Variants in ME1 observed in about 807,000 individuals in gnomAD.
ME1 encodes the protein NADP-dependent malic enzyme.
ME1 carries 74 observed loss-of-function variants against 66.4 expected under a neutral mutation model. The observed-to-expected ratio is 1.11, with a 90% CI of 0.92 to 1.35. The LOEUF (loss-of-function observed/expected upper bound fraction) is 1.35. Ranked by LOEUF, ME1 falls within the 40% of genes most tolerant of loss-of-function variation. The pLI, the probability that ME1 is intolerant of heterozygous loss-of-function variation, is 0.00. For synonymous variants in ME1, 251 were observed against 235.6 expected (o/e 1.07, Z -0.60); for missense variants, 750 against 694.1 (o/e 1.08, Z -0.90).
intron 7 of ME1, among the ~76,000 whole-genome samples, chr6:83,246,221 TA>T (rs1239873491): frequency 6.6e-6 from 1 of 152,170 alleles, no homozygotes; most frequent in Non-Finnish European, 1.5e-5. Context: ...GATTATATAT[TA>T]GGTATTTTTG....
rs3837004 is a variant in ME1, at chr6:83,277,901, A to AAATAATAAT, written c.705-24172_705-24164dup. Among the ~76,000 whole-genome samples the AAATAATAAT allele has an allele frequency of 4.6e-3, 668 of 144,098 alleles. 5 individuals carry two copies. Among genetic ancestry groups the AAATAATAAT allele is most frequent in the African/African-American group, 0.015 (560 of 38,430 alleles). The allele number at this position is 144,098 out of a possible 152,430, so 94.5% of individuals were successfully genotyped here. On this transcript the variant is annotated intron_variant, in intron 6 of 13. Coordinates refer to ENST00000369705, the MANE Select transcript of ME1 (RefSeq NM_002395.6). ...TGGGCGATAGTGAGACTGTATCTCA[A>AAATAATAAT]AATAATAATAATAATAATAATAATA... is the stretch of plus-strand genomic sequence containing the variant.
At position 83,273,972 on chromosome 6, in the gene ME1, C is replaced by T. The variant is rs2128531648; in HGVS notation, c.705-20234G>A. Among the ~76,000 whole-genome samples the T allele has an allele frequency of 2.0e-5, 3 of 152,260 alleles. No individual in the cohort carries two copies. In the Middle Eastern group the frequency reaches 0.01, roughly 518 times the overall value. ...TTAAATGCTTATCTTGCTTGATTCA[C>T]TATGTTTGGCCCTATTAATCCCTTC... is the stretch of plus-strand genomic sequence containing the variant. On this transcript the variant is annotated intron_variant, in intron 6 of 13. Coordinates refer to ENST00000369705, the MANE Select transcript of ME1 (RefSeq NM_002395.6).
chr6:83,317,050 G>A (rs930575578), intron 5 of ME1, among the ~76,000 whole-genome samples: 3 of 152,106 alleles, frequency 2.0e-5, no homozygotes, highest in Admixed American at 2.0e-4. Flanking sequence ...GAGATTTCCA[G>A]GCAGAATGCT....
chr6:83,407,904 A>G lies in ME1; in HGVS notation c.79-3T>C. 6.3e-7 allele frequency: 1 copy of G among 1,596,234 alleles called. No individual in the cohort carries two copies. Reference sequence around the variant, plus strand: ...TCTTCCAGGGTAAAGGCCAAGTCCTATAGAGAAAAAACACACACACACACA... The same window carrying G: ...TCTTCCAGGGTAAAGGCCAAGTCCTGTAGAGAAAAAACACACACACACACA... On this transcript the variant is annotated splice_polypyrimidine_tract_variant and splice_region_variant and intron_variant, in intron 1 of 13. Transcript: ENST00000369705.
At chr6:83,300,862 C>A (rs377625525) in intron 6 of ME1, among the ~76,000 whole-genome samples, 1 of 152,104 alleles carries the variant, frequency 6.6e-6, no homozygotes, top group Non-Finnish European at 1.5e-5. Flanking sequence ...GAATACTATG[C>A]AGTGATAAAA....
rs1380835289 is a variant in ME1, at chr6:83,227,467, T to A, written c.1143A>T (p.Ala381=). The A allele has an allele frequency of 6.3e-7, 1 of 1,599,194 alleles. No individual in the cohort carries two copies. The highest frequency in any genetic ancestry group is 1.3e-5 in the African/African-American group (1 of 74,576). Residue 381 remains alanine, a synonymous_variant, in exon 11 of 14, where the codon GCA becomes GCT. Coordinates refer to ENST00000369705, the MANE Select transcript of ME1 (RefSeq NM_002395.6). ...IKPTALIGVA[A]IGGAFSEQIL... ...TTTGTTCTGAGAATGCACCACCAAT[T>A]GCAGCAACTCCTAATGAAGAAATAT...
In ME1 at chr6:83,325,784, T is replaced by C. The variant is rs1195671910; in HGVS notation, c.601-10371A>G. On this transcript the variant is annotated intron_variant, in intron 5 of 13. Coordinates refer to ENST00000369705, the MANE Select transcript of ME1 (RefSeq NM_002395.6). ...AGAGTCAATATCATGAAACTGACCA[T>C]AGGGCCCAAAGTAATTTATAGATTC... Among the ~76,000 whole-genome samples the C allele has an allele frequency of 2.6e-5, 4 of 152,160 alleles. No individual in the cohort carries two copies. The East Asian group carries it at 5.8e-4, about 22-fold the overall frequency.
At chr6:83,293,676 G>A (rs1348674968) in intron 6 of ME1, among the ~76,000 whole-genome samples, 3 of 152,142 alleles carry the variant, frequency 2.0e-5, no homozygotes, top group African/African-American at 7.2e-5. Flanking sequence ...ATGGGGAAAG[G>A]GGTGAAATGA....
At chr6:83,302,267 C>T (rs1244842110) in intron 6 of ME1, among the ~76,000 whole-genome samples, 1 of 151,816 alleles carries the variant, frequency 6.6e-6, no homozygotes. Flanking sequence ...CATGTGAACA[C>T]AAAGAAGGGA....
intron 1 of ME1, among the ~76,000 whole-genome samples, chr6:83,429,477 C>T (rs1384723820): frequency 6.6e-6 from 1 of 152,056 alleles, no homozygotes; most frequent in Non-Finnish European, 1.5e-5. Context: ...GTGACACATA[C>T]AAGTCACAAA....
intron 1 of ME1, among the ~76,000 whole-genome samples, chr6:83,429,707 ATC>A (rs1562012277): frequency 1.3e-5 from 2 of 151,816 alleles, no homozygotes; most frequent in Non-Finnish European, 2.9e-5. Context: ...CACAAAAAAA[ATC>A]ACTCACACTG....
chr6:83,292,396 C>T (rs1167635006), intron 6 of ME1, among the ~76,000 whole-genome samples: 1 of 152,202 alleles, frequency 6.6e-6, no homozygotes, highest in Non-Finnish European at 1.5e-5. Context: ...AGTTACTTCG[C>T]AGTTTGCTGG....
At chr6:83,374,567 G>GTTTC (rs1554271498) in intron 3 of ME1, among the ~76,000 whole-genome samples, 2 of 152,132 alleles carry the variant, frequency 1.3e-5, no homozygotes, top group African/African-American at 4.8e-5. Context: ...TCTGATGACA[G>GTTTC]TTTCTTTTGC....
At chr6:83,301,421 C>A (rs993986130) in intron 6 of ME1, among the ~76,000 whole-genome samples, 1 of 151,886 alleles carries the variant, frequency 6.6e-6, no homozygotes, top group Non-Finnish European at 1.5e-5. Flanking sequence ...TGGCTCACTG[C>A]AACTTCTGCC....
intron 6 of ME1, among the ~76,000 whole-genome samples, chr6:83,264,561 T>C (rs1408646587): frequency 6.6e-6 from 1 of 152,170 alleles, no homozygotes; most frequent in African/African-American, 2.4e-5. Context: ...TTGTGATTCA[T>C]GGAAGGAGGT....
At chr6:83,372,651 T>A (rs1381104369) in intron 3 of ME1, among the ~76,000 whole-genome samples, 1 of 152,324 alleles carries the variant, frequency 6.6e-6, no homozygotes, top group Middle Eastern at 3.4e-3. Context: ...CACGACCAGG[T>A]AAGGCCTGCT....
chr6:83,430,439 C>T (rs545400573), intron 1 of ME1, among the ~76,000 whole-genome samples: 4 of 152,330 alleles, frequency 2.6e-5, no homozygotes, highest in East Asian at 3.9e-4. Flanking sequence ...CCACTTCTCG[C>T]CTTATCAACT....
chr6:83,234,614 T>C (rs1308199087), intron 9 of ME1, among the ~76,000 whole-genome samples: 1 of 152,190 alleles, frequency 6.6e-6, no homozygotes, highest in African/African-American at 2.4e-5. Context: ...ACCTACTGAA[T>C]TAAGTTTCTT....
chr6:83,362,256 G>A (rs1426526657), intron 3 of ME1, among the ~76,000 whole-genome samples: 3 of 152,212 alleles, frequency 2.0e-5, no homozygotes, highest in Admixed American at 6.5e-5. Flanking sequence ...CTTGGAAGAA[G>A]CATGATTGGA....
Sources: gnomAD v4.1 joint callset for allele counts (sites outside exome capture counted in the v4.1 genomes callset) on GRCh38, gnomAD v4.1.1 for gene constraint, MANE v1.5 for transcripts, NCBI Gene and HGNC (gene_info 2026-07-23, HGNC 2026-07-21) for gene names.